ZNF385B: variants seen among roughly 807,000 people sequenced by gnomAD.
ZNF385B encodes zinc finger protein 533.
ZNF385B carries 23 observed loss-of-function variants against 39.2 expected under a neutral mutation model. The ratio of observed to expected loss-of-function variants is 0.59; its 90% CI spans 0.42 to 0.83. ZNF385B has a LOEUF of 0.83. Ranked by LOEUF, ZNF385B falls within the 40% of genes least tolerant of loss-of-function variation. The pLI is 0.00. For missense variants in ZNF385B, 552 were observed against 598.9 expected, an observed-to-expected ratio of 0.92 and a Z score of 0.82; for synonymous variants, 205 against 222.6, an observed-to-expected ratio of 0.92 and a Z score of 0.70.
At chr2:179,460,852 C>T (rs915094785) in intron 6 of ZNF385B, among the ~76,000 whole-genome samples, 24 of 152,162 alleles carry the variant, frequency 1.6e-4, no homozygotes, top group South Asian at 6.2e-4. Flanking sequence ...CTCTAACCTC[C>T]AAGCTTTCAG....
chr2:179,493,695 A>ATACGTATATG (rs1559336791), intron 5 of ZNF385B, among the ~76,000 whole-genome samples: 2 of 102,608 alleles, frequency 1.9e-5, no homozygotes, highest in South Asian at 3.0e-4. Flanking sequence ...ACACATATAT[A>ATACGTATATG]CATATATGTA....
intron 3 of ZNF385B, among the ~76,000 whole-genome samples, chr2:179,592,941 G>A (rs1171772246): frequency 6.6e-6 from 1 of 152,080 alleles, no homozygotes; most frequent in Non-Finnish European, 1.5e-5. Context: ...AATATGGTCT[G>A]TTACAACCTA....
intron 1 of ZNF385B, among the ~76,000 whole-genome samples, chr2:179,829,601 C>T (rs1707866224): frequency 6.6e-6 from 1 of 152,080 alleles, no homozygotes; most frequent in Admixed American, 6.5e-5. Context: ...GCAAGCTCCG[C>T]CTCCTGGGTT....
chr2:179,762,339 A>G (rs1703450863), intron 3 of ZNF385B, among the ~76,000 whole-genome samples: 1 of 151,982 alleles, frequency 6.6e-6, no homozygotes, highest in South Asian at 2.1e-4. Context: ...ACAGGCACTC[A>G]CTACTATGCC....
intron 1 of ZNF385B, among the ~76,000 whole-genome samples, chr2:179,819,642 C>T (rs1455843438): frequency 2.0e-5 from 3 of 152,166 alleles, no homozygotes; most frequent in African/African-American, 7.2e-5. Flanking sequence ...TGCTCAGGCC[C>T]TCCGAAAGTT....
At chr2:179,722,475 C>T (rs1435204949) in intron 3 of ZNF385B, among the ~76,000 whole-genome samples, 1 of 152,002 alleles carries the variant, frequency 6.6e-6, no homozygotes, top group African/African-American at 2.4e-5. Context: ...ACAGTGAATA[C>T]TGAAAGCCAG....
intron 6 of ZNF385B, among the ~76,000 whole-genome samples, chr2:179,465,903 C>G (rs939991163): frequency 5.9e-5 from 9 of 152,064 alleles, no homozygotes; most frequent in Non-Finnish European, 1.2e-4. Context: ...CTTGATTTAC[C>G]TTTATGCCCA....
intron 5 of ZNF385B, among the ~76,000 whole-genome samples, chr2:179,510,114 A>G (rs2057551091): frequency 6.7e-6 from 1 of 148,490 alleles, no homozygotes; most frequent in Non-Finnish European, 1.5e-5. Context: ...AATTATATAA[A>G]TATGCTACAA....
chr2:179,724,990 A>G (rs1700913839), intron 3 of ZNF385B, among the ~76,000 whole-genome samples: 2 of 152,190 alleles, frequency 1.3e-5, no homozygotes, highest in South Asian at 2.1e-4. Context: ...GTAGGCATCC[A>G]TAAATATTAG....
intron 3 of ZNF385B, among the ~76,000 whole-genome samples, chr2:179,712,504 T>C (rs1700069662): frequency 6.6e-6 from 1 of 152,180 alleles, no homozygotes; most frequent in South Asian, 2.1e-4. Flanking sequence ...TCTCATCTTC[T>C]TCTTCAATAG....
chr2:179,650,444 G>C (rs879588788), intron 3 of ZNF385B, among the ~76,000 whole-genome samples: 1 of 152,192 alleles, frequency 6.6e-6, no homozygotes, highest in East Asian at 1.9e-4. Flanking sequence ...GTATGTATGA[G>C]AGAAAGTGAC....
At chr2:179,851,065 G>T (rs1684103503) in intron 1 of ZNF385B, among the ~76,000 whole-genome samples, 1 of 152,160 alleles carries the variant, frequency 6.6e-6, no homozygotes, top group African/African-American at 2.4e-5. Context: ...AATTTGGTTG[G>T]TTTTATCATT....
intron 3 of ZNF385B, among the ~76,000 whole-genome samples, chr2:179,736,316 T>C (rs1701752177): frequency 6.6e-6 from 1 of 152,200 alleles, no homozygotes; most frequent in African/African-American, 2.4e-5. Flanking sequence ...TGGGACTTTT[T>C]TTTCTCTATC....
At chr2:179,543,197 G>A (rs1473266171) in intron 4 of ZNF385B, among the ~76,000 whole-genome samples, 1 of 152,110 alleles carries the variant, frequency 6.6e-6, no homozygotes, top group Non-Finnish European at 1.5e-5. Flanking sequence ...ACTTGAACCT[G>A]GAAGGTGGAG....
intron 3 of ZNF385B, among the ~76,000 whole-genome samples, chr2:179,708,355 G>T (rs143641916): frequency 6.6e-6 from 1 of 152,288 alleles, no homozygotes; most frequent in African/African-American, 2.4e-5. Context: ...CAGCCATGTG[G>T]AACTATGAGT....
intron 3 of ZNF385B, among the ~76,000 whole-genome samples, chr2:179,724,833 G>A (rs1700904361): frequency 6.6e-6 from 1 of 152,140 alleles, no homozygotes; most frequent in Non-Finnish European, 1.5e-5. Flanking sequence ...ATGGGAATGT[G>A]TCTGTCATCC....
At chr2:179,690,883 C>A (rs549279800) in intron 3 of ZNF385B, among the ~76,000 whole-genome samples, 46 of 152,262 alleles carry the variant, frequency 3.0e-4, no homozygotes, top group African/African-American at 1.0e-3. Context: ...AGAATTCTTA[C>A]AAGATTATGG....
intron 1 of ZNF385B, among the ~76,000 whole-genome samples, chr2:179,835,104 G>T (rs1351071645): frequency 6.6e-6 from 1 of 152,226 alleles, no homozygotes; most frequent in Non-Finnish European, 1.5e-5. Flanking sequence ...GCATAGGCTG[G>T]ATAGTAGATA....
chr2:179,727,053 C>T (rs1559135283), intron 3 of ZNF385B, among the ~76,000 whole-genome samples: 1 of 151,810 alleles, frequency 6.6e-6, no homozygotes, highest in African/African-American at 2.4e-5. Context: ...AGTAGAGTTC[C>T]GTGTGTGTGT....
Sources: gnomAD v4.1 joint callset for allele counts (sites outside exome capture counted in the v4.1 genomes callset) on GRCh38, gnomAD v4.1.1 for gene constraint, MANE v1.5 for transcripts, NCBI Gene and HGNC (gene_info 2026-07-23, HGNC 2026-07-21) for gene names.